LRFN5: variants seen among roughly 807,000 people sequenced by gnomAD.
The protein encoded by LRFN5 is leucine-rich repeat and fibronectin type-III domain-containing protein 5.
A neutral mutation model predicts 45.6 loss-of-function variants in LRFN5; 24 were observed. The observed-to-expected ratio is 0.53, with a 90% CI of 0.38 to 0.74. The LOEUF is 0.74. Ranked by LOEUF, LRFN5 falls within the 30% of genes least tolerant of loss-of-function variation. LRFN5 has a pLI of 0.00. For synonymous variants in LRFN5, 340 were observed against 313.8 expected (o/e 1.08, Z -0.88); for missense variants, 776 against 861.5 (o/e 0.90, Z 1.24).
intron 1 of LRFN5, among the ~76,000 whole-genome samples, chr14:41,637,401 T>C (rs746347087): frequency 6.6e-6 from 1 of 152,180 alleles, no homozygotes; most frequent in African/African-American, 2.4e-5. Context: ...GGAAAACTTT[T>C]TTTTTCCCTT....
At chr14:41,801,884 A>G (rs1594421683) in intron 2 of LRFN5, among the ~76,000 whole-genome samples, 1 of 152,088 alleles carries the variant, frequency 6.6e-6, no homozygotes, top group African/African-American at 2.4e-5. Context: ...AGTGGGTCTT[A>G]AGGTTGAGGT....
chr14:41,813,229 G>T (rs142006018), intron 2 of LRFN5, among the ~76,000 whole-genome samples: 1 of 152,002 alleles, frequency 6.6e-6, no homozygotes, highest in African/African-American at 2.4e-5. Context: ...TAAGTTCTGG[G>T]ATGCATGTGC....
intron 4 of LRFN5, among the ~76,000 whole-genome samples, chr14:41,897,007 A>T (rs1388722644): frequency 2.0e-5 from 3 of 151,670 alleles, no homozygotes; most frequent in South Asian, 4.1e-4. Flanking sequence ...CAGGAGAATC[A>T]CTTGAACCCT....
At chr14:41,727,360 T>C (rs1197345000) in intron 1 of LRFN5, among the ~76,000 whole-genome samples, 1 of 152,084 alleles carries the variant, frequency 6.6e-6, no homozygotes, top group Non-Finnish European at 1.5e-5. Flanking sequence ...TCTTAGCACT[T>C]TAGCAGGCAG....
At chr14:41,704,646 TTATTTTTCCTATCCACATGTCAAAATA>T (rs1882991045) in intron 1 of LRFN5, among the ~76,000 whole-genome samples, 1 of 152,028 alleles carries the variant, frequency 6.6e-6, no homozygotes. Flanking sequence ...ATAGTTGTCA[TTATTTTTCCTATCCACATGTCAAAATA>T]TATTATCACT....
At chr14:41,843,103 T>A (rs1202625055) in intron 2 of LRFN5, among the ~76,000 whole-genome samples, 1 of 149,584 alleles carries the variant, frequency 6.7e-6, no homozygotes, top group South Asian at 2.1e-4. Context: ...TTTTTTTTTT[T>A]AATACTGAGT....
chr14:41,860,512 C>T (rs1185312636), intron 2 of LRFN5, among the ~76,000 whole-genome samples: 2 of 152,070 alleles, frequency 1.3e-5, no homozygotes, highest in Non-Finnish European at 1.5e-5. Context: ...AATTTAACAC[C>T]TTACCATGGA....
At chr14:41,725,352 G>A (rs948456833) in intron 1 of LRFN5, among the ~76,000 whole-genome samples, 3 of 152,148 alleles carry the variant, frequency 2.0e-5, no homozygotes, top group African/African-American at 7.2e-5. Flanking sequence ...GGCTTCATCT[G>A]CTGTTTGGAG....
chr14:41,834,951 C>T (rs1025935195), intron 2 of LRFN5, among the ~76,000 whole-genome samples: 1 of 151,718 alleles, frequency 6.6e-6, no homozygotes. Context: ...TCATGAGCCA[C>T]CACACCCAGC....
chr14:41,661,815 G>GA (rs1478645962), intron 1 of LRFN5, among the ~76,000 whole-genome samples: 4 of 151,902 alleles, frequency 2.6e-5, no homozygotes, highest in African/African-American at 4.8e-5. Context: ...TAATTTGTGG[G>GA]AAAAAATAGA....
At chr14:41,746,853 G>T (rs1884941483) in intron 1 of LRFN5, among the ~76,000 whole-genome samples, 1 of 151,896 alleles carries the variant, frequency 6.6e-6, no homozygotes, top group Admixed American at 6.6e-5. Flanking sequence ...AACACATTCA[G>T]CAAAATAAGC....
intron 1 of LRFN5, among the ~76,000 whole-genome samples, chr14:41,611,029 C>A (rs1887739667): frequency 6.6e-6 from 1 of 152,144 alleles, no homozygotes; most frequent in African/African-American, 2.4e-5. Flanking sequence ...AAGGTGTTTT[C>A]ATCACCTCCC....
intron 2 of LRFN5, among the ~76,000 whole-genome samples, chr14:41,772,272 A>T (rs1288782848): frequency 6.6e-6 from 1 of 152,188 alleles, no homozygotes; most frequent in African/African-American, 2.4e-5. Context: ...AACACTGGGG[A>T]TTACGTTGCA....
At chr14:41,739,775 T>C (rs957084572) in intron 1 of LRFN5, among the ~76,000 whole-genome samples, 9 of 147,310 alleles carry the variant, frequency 6.1e-5, no homozygotes, top group African/African-American at 2.2e-4. Flanking sequence ...GAAAGTAAAA[T>C]TGGGGTTTTT....
Position 41,791,052 on chromosome 14 carries a change from T to C in LRFN5, c.-21+24023T>C, listed in dbSNP as rs1000367771. On this transcript the variant is annotated intron_variant, in intron 2 of 5. Coordinates refer to ENST00000298119, the MANE Select transcript of LRFN5 (RefSeq NM_152447.5). ...CATGGTATGACAGAGTTTTACTCTA[T>C]ATATTTTGTTGCTATGCTATTTGGT... is the stretch of plus-strand genomic sequence containing the variant. Among the ~76,000 whole-genome samples the C allele has an allele frequency of 2.0e-4, 30 of 151,996 alleles. 1 individual carries two copies. The Middle Eastern group carries it at 0.011, about 54-fold the overall frequency.
chr14:41,808,345 GGGAT>G (rs200384044), intron 2 of LRFN5, among the ~76,000 whole-genome samples: 7 of 121,244 alleles, frequency 5.8e-5, no homozygotes, highest in African/African-American at 2.0e-4. Flanking sequence ...AAGGAAGGGA[GGGAT>G]GAAGGAAGGA....
At chr14:41,756,460 G>T (rs113984287) in intron 1 of LRFN5, among the ~76,000 whole-genome samples, 1 of 151,948 alleles carries the variant, frequency 6.6e-6, no homozygotes, top group Non-Finnish European at 1.5e-5. Context: ...GGCTTTATTC[G>T]TTTCTTTTTT....
chr14:41,834,807 C>T (rs1888605365), intron 2 of LRFN5, among the ~76,000 whole-genome samples: 1 of 151,846 alleles, frequency 6.6e-6, no homozygotes, highest in Non-Finnish European at 1.5e-5. Context: ...GTACTACAGG[C>T]ATGCACCACC....
At chr14:41,630,266 A>T (rs2138577138) in intron 1 of LRFN5, among the ~76,000 whole-genome samples, 1 of 152,292 alleles carries the variant, frequency 6.6e-6, no homozygotes, top group Non-Finnish European at 1.5e-5. Context: ...AAATTAAAGC[A>T]TTCCTCTGGA....
Sources: gnomAD v4.1 joint callset for allele counts (sites outside exome capture counted in the v4.1 genomes callset) on GRCh38, gnomAD v4.1.1 for gene constraint, MANE v1.5 for transcripts, NCBI Gene and HGNC (gene_info 2026-07-23, HGNC 2026-07-21) for gene names.